The following ABCC1 variants were observed in gnomAD, a reference collection of about 807,000 sequenced individuals.
The protein encoded by ABCC1 is ATP binding cassette subfamily C member 1 (ABCC1 blood group).
Under a neutral mutation model 172.9 loss-of-function variants are expected in ABCC1, and 83 were observed. The ratio of observed to expected loss-of-function variants is 0.48; its 90% CI spans 0.40 to 0.58. The LOEUF is 0.58. Ranked by LOEUF, ABCC1 falls within the 20% of genes least tolerant of loss-of-function variation. ABCC1 has a pLI of 0.00. For synonymous variants in ABCC1, 937 were observed against 825.2 expected (o/e 1.14, Z -2.32); for missense variants, 1,817 against 2,002.7 (o/e 0.91, Z 1.77).
intron 1 of ABCC1, among the ~76,000 whole-genome samples, chr16:15,963,632 G>C (rs2046184616): frequency 1.3e-5 from 2 of 152,174 alleles, no homozygotes; most frequent in Admixed American, 1.3e-4. Context: ...CCGAGGCTTG[G>C]GGCTTGCACC....
chr16:15,964,200 C>T (rs1020738741), intron 1 of ABCC1, among the ~76,000 whole-genome samples: 6 of 152,154 alleles, frequency 3.9e-5, no homozygotes, highest in Non-Finnish European at 7.3e-5. Flanking sequence ...ACCTTGGCCT[C>T]CCAAAGTGCT....
chr16:15,970,418 C>G (rs1399552134), intron 1 of ABCC1, among the ~76,000 whole-genome samples: 2 of 152,334 alleles, frequency 1.3e-5, no homozygotes, highest in African/African-American at 4.8e-5. Flanking sequence ...ATGTAGTTTC[C>G]TTTCTAAGCA....
intron 27 of ABCC1, among the ~76,000 whole-genome samples, chr16:16,132,510 G>GTT (rs71137915): frequency 0.017 from 650 of 37,268 alleles, 71 homozygotes; most frequent in Non-Finnish European, 0.024. Context: ...TTGGTTGGTT[G>GTT]TTTTTTTTTT....
Position 16,044,589 on chromosome 16 carries a change from T to C in ABCC1, c.949T>C (p.Leu317=). The C allele has an allele frequency of 6.2e-7, 1 of 1,614,180 alleles. No homozygotes were observed. Among genetic ancestry groups the C allele is most frequent in the South Asian group, 1.1e-5 (1 of 91,088 alleles). Residue 317 remains leucine (L), a synonymous_variant, in exon 8 of 31, where the codon TTA becomes CTA. Transcript: ENST00000399410. Reference sequence around the variant, plus strand: ...GTGGAACCCCTCTCTGTTTAAGGTGTTATACAAGACCTTTGGGCCCTACTT... The same window carrying C: ...GTGGAACCCCTCTCTGTTTAAGGTGCTATACAAGACCTTTGGGCCCTACTT... ...KEWNPSLFKV[L]YKTFGPYFLM...
At chr16:16,022,091 C>T (rs1045099297) in intron 5 of ABCC1, among the ~76,000 whole-genome samples, 1 of 152,204 alleles carries the variant, frequency 6.6e-6, no homozygotes, top group Admixed American at 6.5e-5. Flanking sequence ...AGCAGCAGGC[C>T]ATCCATCACC....
intron 1 of ABCC1, among the ~76,000 whole-genome samples, chr16:15,974,062 G>A (rs985343786): frequency 6.6e-6 from 1 of 152,104 alleles, no homozygotes; most frequent in Non-Finnish European, 1.5e-5. Flanking sequence ...TGACCCTGAA[G>A]CTGAAGTGGT....
chr16:16,006,989 GATGA>G (rs2047564632), intron 1 of ABCC1, among the ~76,000 whole-genome samples: 1 of 151,994 alleles, frequency 6.6e-6, no homozygotes, highest in Non-Finnish European at 1.5e-5. Context: ...AGGTGATGAT[GATGA>G]ATGAAGATGA....
At chr16:16,073,349 T>C (rs2050427291) in intron 14 of ABCC1, among the ~76,000 whole-genome samples, 1 of 152,240 alleles carries the variant, frequency 6.6e-6, no homozygotes, top group Non-Finnish European at 1.5e-5. Flanking sequence ...TGAGATTTAC[T>C]GAGCACCTAC....
rs2048612836 is a variant in ABCC1, at chr16:16,033,090, T to C, written c.616-19T>C. 2 of 1,613,044 alleles carry C rather than the reference T, an allele frequency of 1.2e-6. No individual in the cohort carries two copies. Among genetic ancestry groups the C allele is most frequent in the Non-Finnish European group, 1.7e-6 (2 of 1,179,096 alleles). ...TTCCTTTCCCTCTTCCTCCCAAACCTGTGCTTTCTTTCCACTAGAATCCCT... is the reference window on the plus strand; with the variant it reads ...TTCCTTTCCCTCTTCCTCCCAAACCCGTGCTTTCTTTCCACTAGAATCCCT... On this transcript the variant is annotated intron_variant, in intron 5 of 30. Transcript: ENST00000399410.
intron 15 of ABCC1, among the ~76,000 whole-genome samples, chr16:16,078,244 T>C (rs2050663469): frequency 6.6e-6 from 1 of 152,232 alleles, no homozygotes; most frequent in Non-Finnish European, 1.5e-5. Context: ...CAGCAAAGGT[T>C]TGGATGTGCC....
intron 12 of ABCC1, among the ~76,000 whole-genome samples, chr16:16,059,979 A>G: frequency 6.6e-6 from 1 of 152,134 alleles, no homozygotes; most frequent in South Asian, 2.1e-4. Context: ...CCTGGGCAAC[A>G]GAACAAGACT....
chr16:16,130,732 C>T (rs1355994114), intron 26 of ABCC1, among the ~76,000 whole-genome samples: 1 of 152,296 alleles, frequency 6.6e-6, no homozygotes, highest in Middle Eastern at 3.4e-3. Flanking sequence ...CTCTGACAAG[C>T]TGTTATTCAT....
intron 14 of ABCC1, among the ~76,000 whole-genome samples, chr16:16,072,069 T>G (rs1441568562): frequency 1.3e-5 from 2 of 152,158 alleles, no homozygotes; most frequent in South Asian, 4.1e-4. Context: ...ATGAGGACTC[T>G]GGAGGCTGGC....
chr16:15,954,794 TG>T (rs903959762), intron 1 of ABCC1, among the ~76,000 whole-genome samples: 8 of 151,774 alleles, frequency 5.3e-5, no homozygotes, highest in East Asian at 1.9e-4. Context: ...TGGTGGTAGA[TG>T]GGGGGGAAGA....
chr16:15,953,890 C>G (rs1015445684), intron 1 of ABCC1, among the ~76,000 whole-genome samples: 1 of 152,122 alleles, frequency 6.6e-6, no homozygotes, highest in African/African-American at 2.4e-5. Context: ...TAATTCTTCC[C>G]CTTGGCTCAA....
intron 12 of ABCC1, among the ~76,000 whole-genome samples, chr16:16,064,791 A>G (rs749136065): frequency 1.9e-4 from 29 of 152,232 alleles, no homozygotes; most frequent in East Asian, 1.7e-3. Flanking sequence ...GGCTCTGACA[A>G]TACAGCAGTG....
At chr16:16,052,848 C>T (rs374916586) in intron 11 of ABCC1, 32 bp downstream of exon 11, 1,089 of 1,605,882 alleles carry the variant, frequency 6.8e-4, no homozygotes, top group Non-Finnish European at 8.3e-4. Flanking sequence ...GCCCCCAAGC[C>T]GGGCCCTAGG....
intron 1 of ABCC1, among the ~76,000 whole-genome samples, chr16:15,957,999 C>T (rs1256809829): frequency 2.6e-5 from 4 of 152,232 alleles, no homozygotes; most frequent in Admixed American, 6.5e-5. Context: ...TACATGGTAG[C>T]GGTCCGCTGA....
At chr16:16,018,791 G>A (rs2048093552) in intron 5 of ABCC1, among the ~76,000 whole-genome samples, 1 of 51,858 alleles carries the variant, frequency 1.9e-5, no homozygotes, top group African/African-American at 8.9e-5. Context: ...TTATGTTCAT[G>A]TATGTGTGTG....
Sources: allele counts gnomAD v4.1 joint callset (sites outside exome capture counted in the v4.1 genomes callset), GRCh38; gene constraint gnomAD v4.1.1; transcripts MANE v1.5; gene names NCBI Gene and HGNC (gene_info 2026-07-23, HGNC 2026-07-21).